Variants in AVEN observed in about 807,000 individuals in gnomAD.
AVEN encodes cell death regulator Aven.
A neutral mutation model predicts 38.1 loss-of-function variants in AVEN; 41 were observed. The ratio of observed to expected loss-of-function variants is 1.08; its 90% CI spans 0.84 to 1.40. AVEN has a LOEUF of 1.40. Among genes scored for constraint, AVEN ranks in the 40% most tolerant of loss-of-function variants. The pLI, the probability that AVEN is intolerant of heterozygous loss-of-function variation, is 0.00. For missense variants in AVEN, 605 were observed against 438.8 expected, an observed-to-expected ratio of 1.38 and a Z score of -3.38; for synonymous variants, 206 against 171.8, an observed-to-expected ratio of 1.20 and a Z score of -1.56.
chr15:33,935,238 C>T (rs566688746), intron 2 of AVEN, among the ~76,000 whole-genome samples: 4 of 152,236 alleles, frequency 2.6e-5, no homozygotes, highest in South Asian at 2.1e-4. Context: ...ATTTTCAAGA[C>T]GTGGAAAATT....
chr15:33,912,594 T>C (rs1227176847), intron 2 of AVEN, among the ~76,000 whole-genome samples: 1 of 152,230 alleles, frequency 6.6e-6, no homozygotes, highest in Non-Finnish European at 1.5e-5. Context: ...AAGAGGATAC[T>C]TCAGTTGAGG....
At chr15:34,070,691 T>G (rs1414746124) in intron 1 of AVEN, among the ~76,000 whole-genome samples, 1 of 152,192 alleles carries the variant, frequency 6.6e-6, no homozygotes, top group Admixed American at 6.5e-5. Flanking sequence ...GAGCATCTAC[T>G]GATATTGAGA....
chr15:33,942,369 T>C (rs1250434579), intron 2 of AVEN, among the ~76,000 whole-genome samples: 4 of 152,204 alleles, frequency 2.6e-5, no homozygotes, highest in Admixed American at 6.5e-5. Flanking sequence ...AAGACGTCTG[T>C]CTACTCAACA....
intron 2 of AVEN, among the ~76,000 whole-genome samples, chr15:33,936,061 T>G (rs1894047126): frequency 6.6e-6 from 1 of 152,082 alleles, no homozygotes; most frequent in African/African-American, 2.4e-5. Flanking sequence ...GGAACTTTCT[T>G]AAACTGGTAA....
chr15:34,024,472 CAAAA>C (rs10531898), intron 1 of AVEN, among the ~76,000 whole-genome samples: 12 of 101,912 alleles, frequency 1.2e-4, no homozygotes, highest in South Asian at 3.1e-4. Context: ...GACCCTGTCT[CAAAA>C]AAAAAAAAAA....
chr15:34,033,614 AT>A (rs901303991), intron 1 of AVEN, among the ~76,000 whole-genome samples: 86 of 152,364 alleles, frequency 5.6e-4, no homozygotes, highest in African/African-American at 1.9e-3. Flanking sequence ...GTTATATAAC[AT>A]TTTTTAAGTC....
downstream of AVEN, chr15:33,864,244 G>C (rs374015056): frequency 2.3e-4 from 311 of 1,368,344 alleles, 2 homozygotes; most frequent in Middle Eastern, 1.0e-3. Context: ...TAAATCTTGA[G>C]ACTTAGTAGG....
intron 2 of AVEN, among the ~76,000 whole-genome samples, chr15:33,912,487 C>G (rs1892953001): frequency 6.6e-6 from 1 of 152,104 alleles, no homozygotes; most frequent in African/African-American, 2.4e-5. Context: ...AAGTTACTAC[C>G]TATAATGTTA....
chr15:33,994,674 C>G (rs1896861434), intron 2 of AVEN, among the ~76,000 whole-genome samples: 1 of 152,168 alleles, frequency 6.6e-6, no homozygotes, highest in South Asian at 2.1e-4. Flanking sequence ...CATATACATA[C>G]AGTGTGTGTG....
At chr15:34,038,730 A>G (rs573746809) in intron 1 of AVEN, 50 bp downstream of exon 1, 25 of 1,132,048 alleles carry the variant, frequency 2.2e-5, no homozygotes, top group East Asian at 4.4e-5. Context: ...CCTCGGCCCC[A>G]CTTGCCCCAG....
chr15:33,913,721 A>G (rs1322507809), intron 2 of AVEN, among the ~76,000 whole-genome samples: 3 of 152,222 alleles, frequency 2.0e-5, no homozygotes, highest in Admixed American at 2.0e-4. Flanking sequence ...GTCTTAGGAT[A>G]TTTAATATTT....
In AVEN at chr15:34,063,424, T is replaced by C; in HGVS notation, n.1135A>G. 6.2e-7 allele frequency: 1 copy of C among 1,613,956 alleles called. No homozygotes were observed. The highest frequency in any genetic ancestry group is 8.5e-7 in the Non-Finnish European group (1 of 1,180,024). On this transcript the variant is annotated non_coding_transcript_exon_variant, in exon 5 of 12. Coordinates refer to the AVEN transcript ENST00000675287. This position sits in a 1 kb window ranked among gnomAD's most constrained non-coding sequence, Gnocchi z 4.1. ...GCTGACCTCCAGGGTTCTGACTCTG[T>C]GACCAAAGCTGAGAAGAGAAAGCCA...
At chr15:33,976,550 A>C (rs1036776879) in intron 2 of AVEN, among the ~76,000 whole-genome samples, 2 of 152,226 alleles carry the variant, frequency 1.3e-5, no homozygotes, top group African/African-American at 2.4e-5. Flanking sequence ...ACTCCAGTAG[A>C]CAACACACTT....
chr15:33,925,517 A>G (rs1314153864), intron 2 of AVEN, among the ~76,000 whole-genome samples: 1 of 152,222 alleles, frequency 6.6e-6, no homozygotes, highest in Non-Finnish European at 1.5e-5. Context: ...CAGCACTGCA[A>G]TGGTATTAGG....
At chr15:34,044,263 A>G (rs1430009596) in intron 5 of AVEN, among the ~76,000 whole-genome samples, 2 of 152,058 alleles carry the variant, frequency 1.3e-5, no homozygotes, top group Admixed American at 1.3e-4. Flanking sequence ...TGTGCCCACC[A>G]CTTCACCAAA....
chr15:33,960,918 T>C (rs933687573), intron 2 of AVEN, among the ~76,000 whole-genome samples: 1 of 152,254 alleles, frequency 6.6e-6, no homozygotes, highest in African/African-American at 2.4e-5. Context: ...AGTACCAATC[T>C]TATCAAATTT....
chr15:33,942,891 G>A (rs4238570), intron 2 of AVEN, among the ~76,000 whole-genome samples: 89,488 of 152,044 alleles, frequency 0.59, 28,866 homozygotes, highest in East Asian at 0.76. Flanking sequence ...GATTTATTTG[G>A]AGCCTTCTGT....
At chr15:33,959,304 CT>C (rs1346431553) in intron 2 of AVEN, among the ~76,000 whole-genome samples, 1 of 152,136 alleles carries the variant, frequency 6.6e-6, no homozygotes, top group African/African-American at 2.4e-5. Context: ...GAATTTCAGT[CT>C]TCAAGGACCT....
intron 2 of AVEN, among the ~76,000 whole-genome samples, chr15:33,955,783 G>C (rs1023960465): frequency 1.3e-5 from 2 of 152,180 alleles, no homozygotes; most frequent in Admixed American, 1.3e-4. Context: ...ACCAAAGGGA[G>C]ACACAAGCAT....
Sources: gnomAD v4.1 joint callset for allele counts (sites outside exome capture counted in the v4.1 genomes callset) on GRCh38, gnomAD v4.1.1 for gene constraint, Gnocchi (gnomAD v3.1) non-coding constraint, MANE v1.5 for transcripts, NCBI Gene and HGNC (gene_info 2026-07-23, HGNC 2026-07-21) for gene names.